Variants in CNTN4 observed in about 807,000 individuals in gnomAD.
CNTN4 encodes contactin-4.
Under a neutral mutation model 122.5 loss-of-function variants are expected in CNTN4, and 77 were observed. The observed-to-expected ratio is 0.63, with a 90% CI of 0.52 to 0.76. CNTN4 has a LOEUF of 0.76. Ranked by LOEUF, CNTN4 falls within the 30% of genes least tolerant of loss-of-function variation. The probability of loss-of-function intolerance (pLI) is 0.00; values close to 1 mark genes in which losing one functional copy is unlikely to be tolerated. For missense variants in CNTN4, 1,256 were observed against 1,259.1 expected, an observed-to-expected ratio of 1.00 and a Z score of 0.04; for synonymous variants, 512 against 447.0, an observed-to-expected ratio of 1.15 and a Z score of -1.83.
At chr3:2,836,580 A>G (rs1046308227) in intron 7 of CNTN4, among the ~76,000 whole-genome samples, 2 of 152,190 alleles carry the variant, frequency 1.3e-5, no homozygotes, top group Non-Finnish European at 2.9e-5. Context: ...TAAATATGGC[A>G]TTACTCAACA....
chr3:2,721,592 T>C (rs189477038), intron 4 of CNTN4, among the ~76,000 whole-genome samples: 296 of 152,166 alleles, frequency 1.9e-3, no homozygotes, highest in Non-Finnish European at 2.8e-3. Flanking sequence ...TGTGAGTGTA[T>C]GTGTGTGTGA....
At chr3:2,783,519 C>G (rs969551352) in intron 6 of CNTN4, among the ~76,000 whole-genome samples, 1 of 152,122 alleles carries the variant, frequency 6.6e-6, no homozygotes, top group Admixed American at 6.5e-5. Context: ...GAAGTAGGAG[C>G]CAAAGGAAGT....
At chr3:2,398,800 A>T (rs1339884413) in intron 3 of CNTN4, among the ~76,000 whole-genome samples, 1 of 152,148 alleles carries the variant, frequency 6.6e-6, no homozygotes, top group Non-Finnish European at 1.5e-5. Flanking sequence ...ATCCCAAATG[A>T]TGGGGCTCAT....
intron 2 of CNTN4, among the ~76,000 whole-genome samples, chr3:2,224,627 C>T (rs1007968219): frequency 6.6e-6 from 1 of 152,070 alleles, no homozygotes; most frequent in African/African-American, 2.4e-5. Context: ...CTTGGGAATC[C>T]TTGACACACT....
chr3:2,576,136 C>G (rs573619084), intron 4 of CNTN4, among the ~76,000 whole-genome samples: 1 of 152,138 alleles, frequency 6.6e-6, no homozygotes, highest in South Asian at 2.1e-4. Flanking sequence ...CGCCCAGCCG[C>G]TTTCTTCTTT....
At chr3:2,729,368 T>A (rs1040273922) in intron 4 of CNTN4, among the ~76,000 whole-genome samples, 1 of 145,208 alleles carries the variant, frequency 6.9e-6, no homozygotes. Flanking sequence ...ATTGAGACCA[T>A]CCCGGCTAAC....
chr3:2,645,510 C>T (rs930856841), intron 4 of CNTN4, among the ~76,000 whole-genome samples: 1 of 152,078 alleles, frequency 6.6e-6, no homozygotes, highest in East Asian at 1.9e-4. Context: ...ACTGAATAAT[C>T]TCATTTGCAT....
At chr3:2,342,066 T>C (rs1432714926) in intron 3 of CNTN4, among the ~76,000 whole-genome samples, 1 of 152,248 alleles carries the variant, frequency 6.6e-6, no homozygotes, top group Non-Finnish European at 1.5e-5. Context: ...AGTGGTTGAA[T>C]GGGCCATTTA....
At chr3:2,671,214 C>T (rs1038058609) in intron 4 of CNTN4, among the ~76,000 whole-genome samples, 1 of 152,224 alleles carries the variant, frequency 6.6e-6, no homozygotes, top group Non-Finnish European at 1.5e-5. Context: ...CTCCCCGTCA[C>T]TTTCAGGTAC....
chr3:2,413,577 T>G (rs1350448235), intron 3 of CNTN4, among the ~76,000 whole-genome samples: 4 of 152,098 alleles, frequency 2.6e-5, no homozygotes, highest in Non-Finnish European at 4.4e-5. Flanking sequence ...GGAGTCTCCC[T>G]TTGTTGCCCA....
At chr3:2,434,338 C>A (rs1336251107) in intron 3 of CNTN4, among the ~76,000 whole-genome samples, 1 of 151,948 alleles carries the variant, frequency 6.6e-6, no homozygotes, top group African/African-American at 2.4e-5. Context: ...AAAAATATAT[C>A]TGTTTAAAAA....
chr3:2,695,157 C>T (rs996190261), intron 4 of CNTN4, among the ~76,000 whole-genome samples: 2 of 152,064 alleles, frequency 1.3e-5, no homozygotes, highest in Non-Finnish European at 2.9e-5. Flanking sequence ...TACAGCAGAC[C>T]CCAGAGAAAG....
At chr3:2,312,023 T>C (rs150485639) in intron 2 of CNTN4, among the ~76,000 whole-genome samples, 1 of 150,652 alleles carries the variant, frequency 6.6e-6, no homozygotes, top group African/African-American at 2.4e-5. Context: ...AAAGTGAGAG[T>C]TTTTTTTTGA....
intron 8 of CNTN4, 50 bp from the exon 9 acceptor site, chr3:2,883,095 T>C (rs776224315): frequency 3.0e-6 from 4 of 1,320,468 alleles, no homozygotes; most frequent in Non-Finnish European, 4.3e-6. Flanking sequence ...TTTTACATTT[T>C]ATACATTTTA....
At chr3:2,654,312 A>G (rs1351730567) in intron 4 of CNTN4, among the ~76,000 whole-genome samples, 1 of 152,230 alleles carries the variant, frequency 6.6e-6, no homozygotes, top group East Asian at 1.9e-4. Flanking sequence ...CCTCAAAATT[A>G]GAAGTCTCTG....
intron 4 of CNTN4, among the ~76,000 whole-genome samples, chr3:2,574,013 TAG>T (rs1455078239): frequency 6.6e-6 from 1 of 152,248 alleles, no homozygotes; most frequent in East Asian, 1.9e-4. Flanking sequence ...GGTCAGGAGT[TAG>T]AGACCAGCCT....
intron 2 of CNTN4, among the ~76,000 whole-genome samples, chr3:2,246,420 A>AT (rs1176236824): frequency 1.3e-5 from 2 of 151,956 alleles, no homozygotes; most frequent in South Asian, 2.1e-4. Context: ...ATCATATTAC[A>AT]TTTTTTTGAG....
chr3:2,566,080 C>G (rs1338371722), intron 3 of CNTN4, among the ~76,000 whole-genome samples: 1 of 152,178 alleles, frequency 6.6e-6, no homozygotes, highest in Non-Finnish European at 1.5e-5. Flanking sequence ...CTGTGCTATC[C>G]TTTACATTAT....
intron 2 of CNTN4, among the ~76,000 whole-genome samples, chr3:2,144,682 A>T (rs966721936): frequency 6.6e-6 from 1 of 152,184 alleles, no homozygotes; most frequent in Non-Finnish European, 1.5e-5. Context: ...GTTAATAATG[A>T]TTCTTAAACC....
Sources: gnomAD v4.1 joint callset for allele counts (sites outside exome capture counted in the v4.1 genomes callset) on GRCh38, gnomAD v4.1.1 for gene constraint, MANE v1.5 for transcripts, NCBI Gene and HGNC (gene_info 2026-07-23, HGNC 2026-07-21) for gene names.